Variants in SLC6A20 observed in about 807,000 individuals in gnomAD.
SLC6A20 encodes sodium- and chloride-dependent transporter XTRP3.
A neutral mutation model predicts 64.3 loss-of-function variants in SLC6A20; 73 were observed. That is an observed-to-expected ratio of 1.14 (90% CI 0.94 to 1.38). SLC6A20 has a LOEUF of 1.38. Among genes scored for constraint, SLC6A20 ranks in the 40% most tolerant of loss-of-function variants. The probability of loss-of-function intolerance (pLI) is 0.00; values close to 1 mark genes in which losing one functional copy is unlikely to be tolerated. For synonymous variants in SLC6A20, 347 were observed against 329.6 expected, an observed-to-expected ratio of 1.05 and a Z score of -0.57; for missense variants, 725 against 772.8, an observed-to-expected ratio of 0.94 and a Z score of 0.73.
Position 45,759,846 on chromosome 3 carries a change from A to G in SLC6A20, c.1629+11T>C. 1 of 1,608,748 alleles carries G rather than the reference A, an allele frequency of 6.2e-7. No homozygotes were observed. The highest frequency in any genetic ancestry group is 8.5e-7 in the Non-Finnish European group (1 of 1,177,974). ...GGGGCCCAGCGCCAGCCCTACGGAG[A>G]CAGTAGATACCTGGGAGGCGTCCCA... On this transcript the variant is annotated intron_variant, in intron 10 of 10. Coordinates refer to ENST00000358525, the MANE Select transcript of SLC6A20 (RefSeq NM_020208.4).
At position 45,779,712 on chromosome 3, in the gene SLC6A20, T is replaced by TG. The variant is rs1274482510; in HGVS notation, c.354+296dup. On this transcript the variant is annotated intron_variant, in intron 3 of 10. Transcript: ENST00000358525. The stretch of plus-strand genomic sequence containing the variant: ...GTGCAGTAGTTCTTAATAGTGTGTG[T>TG]GTGGGGTCACATCCATCAGAGAGAA... Among the ~76,000 whole-genome samples, 3 of 152,334 alleles carry TG rather than the reference T, an allele frequency of 2.0e-5. No homozygotes were observed. The South Asian group carries it at 6.2e-4, about 32-fold the overall frequency.
intron 4 of SLC6A20, among the ~76,000 whole-genome samples, chr3:45,775,485 GCTGA>G (rs766138943): frequency 4.6e-5 from 7 of 152,124 alleles, no homozygotes; most frequent in Non-Finnish European, 8.8e-5. Context: ...TGGATTTGGG[GCTGA>G]CTGCTACAGA....
chr3:45,785,816 G>A (rs576852985), intron 1 of SLC6A20, among the ~76,000 whole-genome samples: 1 of 152,318 alleles, frequency 6.6e-6, no homozygotes, highest in East Asian at 1.9e-4. Context: ...CCTTGGGGCT[G>A]GCTTTGTCCA....
chr3:45,776,040 G>A (rs1699961233), intron 3 of SLC6A20, 52 bp from the exon 4 acceptor site: 2 of 1,565,758 alleles, frequency 1.3e-6, no homozygotes, highest in South Asian at 1.1e-5. Flanking sequence ...GAGGACAAAG[G>A]CTGTGGCAGG....
intron 3 of SLC6A20, 139 bp from the exon 4 acceptor site, chr3:45,776,127 C>T (rs1421740257): frequency 9.2e-6 from 7 of 764,426 alleles, no homozygotes; most frequent in East Asian, 2.7e-5. Flanking sequence ...GGCTGGAGCC[C>T]CTGAAGGCAG....
chr3:45,781,319 A>G (rs938499297), intron 2 of SLC6A20, among the ~76,000 whole-genome samples: 4 of 152,174 alleles, frequency 2.6e-5, no homozygotes, highest in Non-Finnish European at 5.9e-5. Flanking sequence ...TGCATCTGCA[A>G]CCAGGTCACA....
intron 1 of SLC6A20, among the ~76,000 whole-genome samples, chr3:45,793,306 T>C (rs1290892167): frequency 6.6e-6 from 1 of 152,160 alleles, no homozygotes; most frequent in African/African-American, 2.4e-5. Context: ...TCTCCATGTT[T>C]CTTCCGTGCA....
At chr3:45,794,350 G>A (rs981853969) in intron 1 of SLC6A20, among the ~76,000 whole-genome samples, 1 of 152,150 alleles carries the variant, frequency 6.6e-6, no homozygotes, top group South Asian at 2.1e-4. Context: ...GTGCCAAGTG[G>A]ACTGTTCGGT....
chr3:45,773,644 T>C (rs544724776), intron 4 of SLC6A20, among the ~76,000 whole-genome samples: 2 of 152,330 alleles, frequency 1.3e-5, no homozygotes, highest in Non-Finnish European at 2.9e-5. Flanking sequence ...TGAGTCTCTC[T>C]GTGAGAAATA....
chr3:45,761,706 C>T (rs770386279), intron 9 of SLC6A20, among the ~76,000 whole-genome samples: 5 of 152,106 alleles, frequency 3.3e-5, no homozygotes, highest in East Asian at 1.9e-4. Context: ...GGGTGGGAGT[C>T]GGGTGAGAGG....
At chr3:45,777,312 C>T (rs767591014) in intron 3 of SLC6A20, among the ~76,000 whole-genome samples, 5 of 151,112 alleles carry the variant, frequency 3.3e-5, no homozygotes, top group African/African-American at 7.3e-5. Flanking sequence ...ACCTCCACGC[C>T]CACCCCTGCA....
chr3:45,780,123 G>T, intron 2 of SLC6A20, 23 bp from the exon 3 acceptor site: 1 of 1,563,630 alleles, frequency 6.4e-7, no homozygotes, highest in Non-Finnish European at 8.7e-7. Flanking sequence ...AGAGGGCCGC[G>T]CTGAGGACTG....
chr3:45,758,123 GGC>G lies in SLC6A20; in HGVS notation c.*853_*854del, dbSNP rs1415441251. The G allele has an allele frequency of 1.9e-5, 3 of 158,372 alleles. No individual in the cohort carries two copies. The highest frequency in any genetic ancestry group is 7.2e-5 in the African/African-American group (3 of 41,440). The allele number at this position is 158,372 out of a possible 1,614,324, so 9.8% of individuals were successfully genotyped here. On this transcript the variant is annotated 3_prime_UTR_variant, in exon 11 of 11. Coordinates refer to ENST00000358525, the MANE Select transcript of SLC6A20 (RefSeq NM_020208.4). ...AGTAGAAATGGGGTTTCGCCATGTTGGCCAGGCTGGCCTCAAACTCCTGACCT... is the reference window on the plus strand; with the variant it reads ...AGTAGAAATGGGGTTTCGCCATGTTGCAGGCTGGCCTCAAACTCCTGACCT...
chr3:45,785,967 G>C (rs1388996754), intron 1 of SLC6A20, among the ~76,000 whole-genome samples: 1 of 152,120 alleles, frequency 6.6e-6, no homozygotes, highest in African/African-American at 2.4e-5. Flanking sequence ...GCCACGAGGA[G>C]GAGAACCGAG....
intron 1 of SLC6A20, among the ~76,000 whole-genome samples, chr3:45,794,509 C>T (rs1419736788): frequency 2.0e-5 from 3 of 152,172 alleles, no homozygotes; most frequent in Non-Finnish European, 4.4e-5. Flanking sequence ...ACCCATCCAG[C>T]CGAAGCATCC....
At chr3:45,782,770 T>C (rs1400244086) in intron 1 of SLC6A20, among the ~76,000 whole-genome samples, 3 of 152,326 alleles carry the variant, frequency 2.0e-5, no homozygotes, top group Admixed American at 2.0e-4. Flanking sequence ...TGTTCGTCCA[T>C]CCATCTGTGG....
At position 45,757,216 on chromosome 3, in the gene SLC6A20, C is replaced by T. The variant is rs1699561541; in HGVS notation, c.*1762G>A. 2 of 150,902 alleles carry T rather than the reference C, an allele frequency of 1.3e-5. No individual in the cohort carries two copies. Among genetic ancestry groups the T allele is most frequent in the Admixed American group, 6.6e-5 (1 of 15,118 alleles). The allele number at this position is 150,902 out of a possible 1,614,324, so 9.3% of individuals were successfully genotyped here. A position where few individuals can be genotyped will look rare whatever the true frequency, so the allele number is the denominator to read the frequency against. On this transcript the variant is annotated 3_prime_UTR_variant, in exon 11 of 11. Transcript: ENST00000358525. ...TTTTTACACCGAGACATTCCATTAC[C>T]AGGGACAAGCAGGAGACAGAAGCCT... is the stretch of plus-strand genomic sequence containing the variant.
chr3:45,789,256 A>G (rs1035630943), intron 1 of SLC6A20, among the ~76,000 whole-genome samples: 1 of 152,260 alleles, frequency 6.6e-6, no homozygotes, highest in African/African-American at 2.4e-5. Flanking sequence ...TATACCTTCT[A>G]AATCACTTGA....
At chr3:45,776,046 G>T in intron 3 of SLC6A20, 58 bp from the exon 4 acceptor site, 1 of 1,540,104 alleles carries the variant, frequency 6.5e-7, no homozygotes. Flanking sequence ...AAAGGCTGTG[G>T]CAGGGGTGAG....
Sources: allele counts gnomAD v4.1 joint callset (sites outside exome capture counted in the v4.1 genomes callset), GRCh38; gene constraint gnomAD v4.1.1; transcripts MANE v1.5; gene names NCBI Gene and HGNC (gene_info 2026-07-23, HGNC 2026-07-21).